HEXD: variants seen among roughly 807,000 people sequenced by gnomAD.
The protein encoded by HEXD is N-acetyl-beta-galactosaminidase.
In HEXD, 47 loss-of-function variants were observed where a neutral mutation model predicts 54.2. The ratio of observed to expected loss-of-function variants is 0.87; its 90% CI spans 0.69 to 1.11. The LOEUF is 1.11. Among genes scored for constraint, HEXD ranks in the 50% least tolerant of loss-of-function variants. HEXD has a pLI of 0.00. For missense variants in HEXD, 576 were observed against 649.2 expected, an observed-to-expected ratio of 0.89 and a Z score of 1.23; for synonymous variants, 293 against 287.6, an observed-to-expected ratio of 1.02 and a Z score of -0.19.
In HEXD at chr17:82,437,375, C is replaced by T; in HGVS notation, c.899+12C>T. On this transcript the variant is annotated intron_variant, in intron 8 of 12. Coordinates refer to ENST00000327949, the MANE Select transcript of HEXD (RefSeq NM_001330542.2). ...ACCGGCTGGCAGAGGTAAGTCCTGG[C>T]CAGTCTGTCCTCAGAGGGTCCAGGG... 1 of 1,574,710 alleles carries T rather than the reference C, an allele frequency of 6.4e-7. No homozygotes were observed. Among genetic ancestry groups the T allele is most frequent in the Non-Finnish European group, 8.6e-7 (1 of 1,158,278 alleles).
intron 4 of HEXD, among the ~76,000 whole-genome samples, chr17:82,430,536 C>T (rs1030345430): frequency 6.6e-6 from 1 of 152,054 alleles, no homozygotes; most frequent in Non-Finnish European, 1.5e-5. Flanking sequence ...TACAGGTGTA[C>T]CCCACCATGC....
At position 82,432,879 on chromosome 17, in the gene HEXD, C is replaced by A. The variant is rs376018569; in HGVS notation, c.283-779C>A. Among the ~76,000 whole-genome samples, 6 of 149,384 alleles carry A rather than the reference C, an allele frequency of 4.0e-5. No individual in the cohort carries two copies. In the East Asian group the frequency reaches 6.1e-4, roughly 15 times the overall value. ...GAGATCGAGACCATCCTGGCTAACACGGTGAAACCCCGTCTCTACTAAAAC... is the reference window on the plus strand; with the variant it reads ...GAGATCGAGACCATCCTGGCTAACAAGGTGAAACCCCGTCTCTACTAAAAC... On this transcript the variant is annotated intron_variant, in intron 4 of 12. Coordinates refer to ENST00000327949, the MANE Select transcript of HEXD (RefSeq NM_001330542.2).
At position 82,419,238 on chromosome 17, in the gene HEXD, A is replaced by T. The variant is rs147285714; in HGVS notation, c.-52+498A>T. On this transcript the variant is annotated intron_variant, in intron 1 of 12. Coordinates refer to ENST00000327949, the MANE Select transcript of HEXD (RefSeq NM_001330542.2). Reference sequence around the variant, plus strand: ...GGGGCTTTTTCAAAATTATCAGCTTACCTTAAATCCTAGACAGTTTTCTCC... The same window carrying T: ...GGGGCTTTTTCAAAATTATCAGCTTTCCTTAAATCCTAGACAGTTTTCTCC... Among the ~76,000 whole-genome samples the T allele has an allele frequency of 3.5e-3, 528 of 152,292 alleles. 3 individuals carry two copies. The highest frequency in any genetic ancestry group is 0.012 in the African/African-American group (502 of 41,568).
At chr17:82,424,893 A>AGAGAAGGCTAGAGAAAGCTG (rs2053352595) in intron 3 of HEXD, among the ~76,000 whole-genome samples, 1 of 152,058 alleles carries the variant, frequency 6.6e-6, no homozygotes, top group East Asian at 1.9e-4. Context: ...AGGCTGGGCT[A>AGAGAAGGCTAGAGAAAGCTG]GAGAAGGCTA....
At chr17:82,432,367 C>T (rs978334682) in intron 4 of HEXD, among the ~76,000 whole-genome samples, 3 of 152,204 alleles carry the variant, frequency 2.0e-5, no homozygotes, top group African/African-American at 4.8e-5. Context: ...AAGCGGAAGA[C>T]AGGGCCTCTT....
In HEXD at chr17:82,436,755, G is replaced by A; in HGVS notation, c.703+17G>A. 1 of 1,605,958 alleles carries A rather than the reference G, an allele frequency of 6.2e-7. No individual in the cohort carries two copies. Among genetic ancestry groups the A allele is most frequent in the Non-Finnish European group, 8.5e-7 (1 of 1,175,882 alleles). ...ACGGCAAGGGTCAGTGCCAAGTTGT[G>A]GGGGGTGTGTTGTCCTGGCCATGTG... On this transcript the variant is annotated intron_variant, in intron 7 of 12. Coordinates refer to ENST00000327949, the MANE Select transcript of HEXD (RefSeq NM_001330542.2).
intron 4 of HEXD, among the ~76,000 whole-genome samples, chr17:82,429,781 G>A (rs1420493445): frequency 6.6e-6 from 1 of 151,994 alleles, no homozygotes; most frequent in Non-Finnish European, 1.5e-5. Context: ...GGCTCCTCTC[G>A]GTCCCTGTCC....
chr17:82,421,380 C>T (rs891280766), intron 2 of HEXD, among the ~76,000 whole-genome samples: 4 of 152,182 alleles, frequency 2.6e-5, no homozygotes, highest in Non-Finnish European at 4.4e-5. Flanking sequence ...GGGAAAGGTC[C>T]TGGGGAAAGG....
In HEXD at chr17:82,442,337, C is replaced by G; in HGVS notation, c.1414C>G (p.Pro472Ala). The change falls in exon 13 of 13, where the codon CCG (proline) becomes GCG (alanine). Residue 472 changes from proline (P) to alanine (A), a missense_variant. Transcript: ENST00000327949. This position sits in a 1 kb window ranked among gnomAD's most constrained non-coding sequence, Gnocchi z 6.8. ...LQDLSEVSAPPLPPTSPGRDV... is the reference protein window; with the variant it reads ...LQDLSEVSAPALPPTSPGRDV... ...GGACCTCAGCGAGGTGTCTGCCCCC[C>G]CGCTGCCACCCACCAGCCCTGGCAG... 1 of 1,610,932 alleles carries G rather than the reference C, an allele frequency of 6.2e-7. No homozygotes were observed. The highest frequency in any genetic ancestry group is 8.5e-7 in the Non-Finnish European group (1 of 1,179,540).
intron 3 of HEXD, among the ~76,000 whole-genome samples, chr17:82,427,854 G>A (rs2053461491): frequency 6.6e-6 from 1 of 152,204 alleles, no homozygotes; most frequent in African/African-American, 2.4e-5. Flanking sequence ...GGGGCAGTCA[G>A]CCCTTCCCAG....
chr17:82,418,490 C>T lies in HEXD; in HGVS notation c.-302C>T. ...GGCCCTCCGCTGAGGAGCCATCGGA[C>T]CAGGCCGCCGCGGAGCCGGGCCGGA... On this transcript the variant is annotated 5_prime_UTR_variant, in exon 1 of 13. Coordinates refer to ENST00000327949, the MANE Select transcript of HEXD (RefSeq NM_001330542.2). 1 of 1,406,930 alleles carries T rather than the reference C, an allele frequency of 7.1e-7. No homozygotes were observed. The highest frequency in any genetic ancestry group is 9.2e-7 in the Non-Finnish European group (1 of 1,083,070). The allele number at this position is 1,406,930 out of a possible 1,614,324, so 87.2% of individuals were successfully genotyped here. A position where few individuals can be genotyped will look rare whatever the true frequency, so the allele number is the denominator to read the frequency against.
At position 82,436,693 on chromosome 17, in the gene HEXD, C is replaced by T. The variant is rs1367558844; in HGVS notation, c.658C>T (p.Pro220Ser). 1 of 1,612,076 alleles carries T rather than the reference C, an allele frequency of 6.2e-7. No individual in the cohort carries two copies. Among genetic ancestry groups the T allele is most frequent in the Non-Finnish European group, 8.5e-7 (1 of 1,179,562 alleles). The change falls in exon 7 of 13, where the codon CCG becomes TCG. Residue 220 changes from proline (P) to serine (S), a missense_variant. Transcript: ENST00000327949. ...AASGVPQLVE[P>S]VLWDYTADLD... ...GTCCGGGGTGCCGCAGCTGGTGGAG[C>T]CGGTGCTCTGGGACTACACGGCCGA...
intron 4 of HEXD, among the ~76,000 whole-genome samples, chr17:82,433,132 T>A (rs1361045276): frequency 1.8e-3 from 50 of 27,094 alleles, no homozygotes; most frequent in Non-Finnish European, 2.0e-3. Context: ...ATATATATTT[T>A]TTTTTTTTTT....
chr17:82,435,686 C>G lies in HEXD; in HGVS notation c.448-3C>G, dbSNP rs1269556347. On this transcript the variant is annotated splice_region_variant and splice_polypyrimidine_tract_variant and intron_variant, in intron 5 of 12. Coordinates refer to ENST00000327949, the MANE Select transcript of HEXD (RefSeq NM_001330542.2). ...GCAACCCCGTCCTGCTCCTTCCTTG[C>G]AGGTCTATTACCTCGGAGAGGGGGA... 4 of 1,608,208 alleles carry G rather than the reference C, an allele frequency of 2.5e-6. No individual in the cohort carries two copies. Among genetic ancestry groups the G allele is most frequent in the Non-Finnish European group, 3.4e-6 (4 of 1,176,154 alleles).
chr17:82,421,267 ACT>A (rs953743804), intron 2 of HEXD, among the ~76,000 whole-genome samples: 1 of 151,890 alleles, frequency 6.6e-6, no homozygotes, highest in African/African-American at 2.4e-5. Context: ...AGGCTGCAAA[ACT>A]CTCAGAAATA....
In HEXD at chr17:82,418,614, G is replaced by T. The variant is rs2053135762; in HGVS notation, c.-178G>T. 8.2e-6 allele frequency: 3 copies of T among 367,080 alleles called. No homozygotes were observed. Among genetic ancestry groups the T allele is most frequent in the African/African-American group, 2.2e-5 (1 of 46,188 alleles). 22.7% of individuals were successfully genotyped at this position (367,080 alleles called of 1,614,324 possible). ...GACGCGCTCGGCCATCGGCCCCTGG[G>T]CTGGCGGCCAGGCCCGAGCAATCGG... On this transcript the variant is annotated 5_prime_UTR_variant, in exon 1 of 13. Transcript: ENST00000327949.
chr17:82,427,656 G>A (rs1406660738), intron 3 of HEXD, among the ~76,000 whole-genome samples: 1 of 152,174 alleles, frequency 6.6e-6, no homozygotes, highest in Non-Finnish European at 1.5e-5. Context: ...ATGTGAAAAA[G>A]TAAAGTACCA....
chr17:82,430,704 G>C (rs887448317), intron 4 of HEXD, among the ~76,000 whole-genome samples: 2 of 151,966 alleles, frequency 1.3e-5, no homozygotes, highest in Non-Finnish European at 2.9e-5. Flanking sequence ...TACCCTCTTG[G>C]TATACTAGAA....
At position 82,434,940 on chromosome 17, in the gene HEXD, G is replaced by A. The variant is rs552699446; in HGVS notation, c.448-749G>A. Among the ~76,000 whole-genome samples the A allele has an allele frequency of 6.6e-5, 10 of 152,010 alleles. No individual in the cohort carries two copies. Among genetic ancestry groups the A allele is most frequent in the South Asian group, 2.1e-4 (1 of 4,814 alleles). ...GCAGGTGGACCACCTGAGATCAGGAGTTCAAGATCAGCCTGGCCAACATGG... is the reference window on the plus strand; with the variant it reads ...GCAGGTGGACCACCTGAGATCAGGAATTCAAGATCAGCCTGGCCAACATGG... On this transcript the variant is annotated intron_variant, in intron 5 of 12. Transcript: ENST00000327949. The surrounding 1 kb of genome is among the most constrained non-coding windows in gnomAD (Gnocchi z 4.5).
Sources: gnomAD v4.1 joint callset for allele counts (sites outside exome capture counted in the v4.1 genomes callset) on GRCh38, gnomAD v4.1.1 for gene constraint, Gnocchi (gnomAD v3.1) non-coding constraint, MANE v1.5 for transcripts, NCBI Gene and HGNC (gene_info 2026-07-23, HGNC 2026-07-21) for gene names.